The following XKR3 variants were observed in gnomAD, a reference collection of about 807,000 sequenced individuals.
XKR3 encodes the protein XK-related protein 3.
XKR3 carries 27 observed loss-of-function variants against 40.3 expected under a neutral mutation model. The observed-to-expected ratio is 0.67, with a 90% CI of 0.49 to 0.92. XKR3 has a LOEUF of 0.92. XKR3 is among the 40% of genes least tolerant of loss of function. The pLI is 0.00. For missense variants in XKR3, 472 were observed against 537.6 expected, an observed-to-expected ratio of 0.88 and a Z score of 1.21; for synonymous variants, 193 against 195.4, an observed-to-expected ratio of 0.99 and a Z score of 0.10.
intron 1 of XKR3, chr22:16,821,507 C>T (rs2060255597): frequency 6.6e-6 from 1 of 151,164 alleles, no homozygotes. Flanking sequence ...TGGCAATAAA[C>T]AGGTACAACT....
At chr22:16,799,663 T>G (rs996083932) in intron 3 of XKR3, 108 bp downstream of exon 3, 2 of 1,295,374 alleles carry the variant, frequency 1.5e-6, no homozygotes, top group Non-Finnish European at 2.1e-6. Context: ...ATAAAAAATT[T>G]AGTGCAACTG....
chr22:16,810,969 G>A (rs1364194872), intron 1 of XKR3, among the ~76,000 whole-genome samples: 4 of 152,126 alleles, frequency 2.6e-5, no homozygotes, highest in Admixed American at 2.6e-4. Flanking sequence ...TTACTTAAAA[G>A]TCACTAGTTG....
intron 1 of XKR3, among the ~76,000 whole-genome samples, chr22:16,820,953 A>G (rs874836): frequency 0.81 from 122,352 of 151,978 alleles, 49,741 homozygotes; most frequent in Non-Finnish European, 0.86. Flanking sequence ...CCTTTTTCCC[A>G]TTTGAAAACT....
rs536777926 is a variant in XKR3, at chr22:16,824,403, T to C, written c.-11+888A>G. 2.6e-4 allele frequency among the ~76,000 whole-genome samples: 40 copies of C among 151,154 alleles called. 1 individual carries two copies. The South Asian group carries it at 7.1e-3, about 27-fold the overall frequency. ...AGACAATTGTTAAATACCTAGTAAA[T>C]AGAGTAAGTGAGTAAGAAAAGCAGA... On this transcript the variant is annotated intron_variant, in intron 1 of 3. Coordinates refer to ENST00000684488, the MANE Select transcript of XKR3 (RefSeq NM_001386955.1).
chr22:16,791,137 T>C (rs2060113993), intron 3 of XKR3, among the ~76,000 whole-genome samples: 2 of 152,108 alleles, frequency 1.3e-5, no homozygotes, highest in South Asian at 2.1e-4. Context: ...AGCCAAGATA[T>C]AGAATCACCT....
intron 1 of XKR3, among the ~76,000 whole-genome samples, chr22:16,814,813 T>C (rs9306239): frequency 0.45 from 67,663 of 151,878 alleles, 15,374 homozygotes; most frequent in Non-Finnish European, 0.46. Context: ...ACTGATCTTG[T>C]TATCTGCAAT....
intron 1 of XKR3, among the ~76,000 whole-genome samples, chr22:16,822,891 GTTTATTT>G (rs2060262424): frequency 6.6e-6 from 1 of 152,026 alleles, no homozygotes; most frequent in Admixed American, 6.6e-5. Flanking sequence ...GTATTTATTT[GTTTATTT>G]TTTAAGACAT....
intron 1 of XKR3, among the ~76,000 whole-genome samples, chr22:16,818,808 A>G (rs868713486): frequency 1.3e-5 from 2 of 152,062 alleles, no homozygotes; most frequent in African/African-American, 4.8e-5. Flanking sequence ...CCCAACAACA[A>G]TAGTGGTTAA....
intron 2 of XKR3, among the ~76,000 whole-genome samples, chr22:16,802,931 T>C (rs1279897847): frequency 6.6e-6 from 1 of 152,198 alleles, no homozygotes; most frequent in African/African-American, 2.4e-5. Context: ...AGAAATAAAA[T>C]AGTCACACAA....
intron 3 of XKR3, among the ~76,000 whole-genome samples, chr22:16,799,436 C>CAAAAAAAAAAAAAAAAAAAAAAAAAAAA (rs2060157854): frequency 8.5e-5 from 5 of 59,002 alleles, no homozygotes; most frequent in African/African-American, 1.7e-4. Flanking sequence ...AAAAAAAAAG[C>CAAAAAAAAAAAAAAAAAAAAAAAAAAAA]AATGCTGTTT....
At chr22:16,823,150 C>T (rs2060263263) in intron 1 of XKR3, among the ~76,000 whole-genome samples, 1 of 152,192 alleles carries the variant, frequency 6.6e-6, no homozygotes, top group African/African-American at 2.4e-5. Context: ...GTTGGGATTA[C>T]AAGCATGAGC....
chr22:16,819,932 G>A lies in XKR3; in HGVS notation c.-11+5359C>T, dbSNP rs559664386. Among the ~76,000 whole-genome samples, 4 of 152,208 alleles carry A rather than the reference G, an allele frequency of 2.6e-5. No individual in the cohort carries two copies. In the South Asian group the frequency reaches 6.2e-4, roughly 24 times the overall value. ...GGTACAAAGACATTTCATTAAGAAG[G>A]ATATAAGCATGGGAAATAAATGCAC... On this transcript the variant is annotated intron_variant, in intron 1 of 3. Coordinates refer to ENST00000684488, the MANE Select transcript of XKR3 (RefSeq NM_001386955.1).
At chr22:16,806,110 T>C (rs540842293) in intron 2 of XKR3, among the ~76,000 whole-genome samples, 7 of 152,050 alleles carry the variant, frequency 4.6e-5, no homozygotes, top group African/African-American at 1.7e-4. Context: ...AGTATAAAAG[T>C]CAGTTGAGCA....
chr22:16,801,790 A>G (rs1374879256), intron 2 of XKR3, among the ~76,000 whole-genome samples: 7 of 152,156 alleles, frequency 4.6e-5, no homozygotes, highest in Non-Finnish European at 1.0e-4. Context: ...TCAGCATAAT[A>G]AAGGTCAGTG....
chr22:16,796,296 C>T (rs1274933468), intron 3 of XKR3, among the ~76,000 whole-genome samples: 8 of 152,120 alleles, frequency 5.3e-5, no homozygotes, highest in Non-Finnish European at 8.8e-5. Flanking sequence ...TTCATAACAA[C>T]GCTATTATAA....
Position 16,808,069 on chromosome 22 carries a change from T to A in XKR3, c.5A>T (p.Glu2Val). METVFEEMDEES... is the reference protein window; with the variant it reads MVTVFEEMDEES... ...TTCATCCATCTCTTCAAACACTGTCTCCATTCTCAGGGTGCTGCTAATTCA... is the reference window on the plus strand; with the variant it reads ...TTCATCCATCTCTTCAAACACTGTCACCATTCTCAGGGTGCTGCTAATTCA... The change falls in exon 2 of 4, where the codon GAG (glutamate) becomes GTG (valine). Residue 2 changes from glutamate (E) to valine (V), a missense_variant. Physicochemically the swap from Glu to Val is moderately radical, Grantham distance 121. Transcript: ENST00000684488. 6.3e-7 allele frequency: 1 copy of A among 1,595,870 alleles called. No homozygotes were observed. Among genetic ancestry groups the A allele is most frequent in the South Asian group, 1.1e-5 (1 of 88,658 alleles).
chr22:16,784,130 A>T lies in XKR3; in HGVS notation c.869T>A (p.Leu290His). 6.2e-7 allele frequency: 1 copy of T among 1,614,212 alleles called. No homozygotes were observed. The highest frequency in any genetic ancestry group is 8.5e-7 in the Non-Finnish European group (1 of 1,180,046). ...GGAATTATTTTCTTTGTTGCCAGGA[A>T]GATGAGCTCCACTTTTCCAAAACTC... Reference protein sequence around the residue: ...WLEFWKSGAHLPGNKENNSNM... With the variant: ...WLEFWKSGAHHPGNKENNSNM... The change falls in exon 4 of 4, where the codon CTT becomes CAT. Residue 290 changes from leucine (L) to histidine (H), a missense_variant. Transcript: ENST00000684488.
chr22:16,797,699 A>C (rs1475937297), intron 3 of XKR3, among the ~76,000 whole-genome samples: 1 of 151,608 alleles, frequency 6.6e-6, no homozygotes, highest in African/African-American at 2.4e-5. Context: ...AGGGTGAGGC[A>C]GAAGAATGGT....
At chr22:16,792,765 T>C (rs2060125721) in intron 3 of XKR3, among the ~76,000 whole-genome samples, 1 of 152,234 alleles carries the variant, frequency 6.6e-6, no homozygotes, top group Admixed American at 6.5e-5. Flanking sequence ...ATATTTCATG[T>C]CTTTTAGTGA....
Sources: allele counts gnomAD v4.1 joint callset (sites outside exome capture counted in the v4.1 genomes callset), GRCh38; gene constraint gnomAD v4.1.1; transcripts MANE v1.5; gene names NCBI Gene and HGNC (gene_info 2026-07-23, HGNC 2026-07-21).